Variants in NTNG1 observed in about 807,000 individuals in gnomAD.
NTNG1 encodes netrin-G1.
In NTNG1, 16 loss-of-function variants were observed where a neutral mutation model predicts 54.0. That is an observed-to-expected ratio of 0.30 (90% confidence interval 0.20 to 0.45). NTNG1 has a LOEUF of 0.45. Ranked by LOEUF, NTNG1 falls within the 20% of genes least tolerant of loss-of-function variation. The pLI is 1.00. For synonymous variants in NTNG1, 255 were observed against 263.1 expected (o/e 0.97, Z 0.30); for missense variants, 530 against 678.7 (o/e 0.78, Z 2.43).
At chr1:107,433,880 C>G (rs1390236950) in intron 6 of NTNG1, among the ~76,000 whole-genome samples, 1 of 152,192 alleles carries the variant, frequency 6.6e-6, no homozygotes, top group East Asian at 1.9e-4. Flanking sequence ...AAGGTTTGCC[C>G]TATGAGACAG....
At chr1:107,357,842 T>C (rs769434647) in intron 3 of NTNG1, among the ~76,000 whole-genome samples, 1 of 152,170 alleles carries the variant, frequency 6.6e-6, no homozygotes, top group Non-Finnish European at 1.5e-5. Flanking sequence ...AGGAAAATAT[T>C]GATTAGAAAC....
At chr1:107,210,878 G>A (rs140193493) in intron 2 of NTNG1, among the ~76,000 whole-genome samples, 58 of 152,152 alleles carry the variant, frequency 3.8e-4, no homozygotes, top group Middle Eastern at 3.4e-3. Flanking sequence ...TGCAGATGCC[G>A]AGTTTATAAG....
At chr1:107,367,112 G>A (rs558614266) in intron 3 of NTNG1, among the ~76,000 whole-genome samples, 1 of 151,826 alleles carries the variant, frequency 6.6e-6, no homozygotes, top group Admixed American at 6.6e-5. Context: ...AGCACACTAT[G>A]GGTGCATAAT....
chr1:107,336,340 G>C (rs1668577005), intron 3 of NTNG1, among the ~76,000 whole-genome samples: 1 of 151,670 alleles, frequency 6.6e-6, no homozygotes, highest in Non-Finnish European at 1.5e-5. Context: ...CAACAACGTT[G>C]CCAAGACCAT....
At chr1:107,220,769 T>C (rs1308372755) in intron 2 of NTNG1, among the ~76,000 whole-genome samples, 1 of 152,202 alleles carries the variant, frequency 6.6e-6, no homozygotes, top group East Asian at 1.9e-4. Flanking sequence ...CTCTATGCAT[T>C]TCCTAGTTAT....
intron 5 of NTNG1, among the ~76,000 whole-genome samples, chr1:107,412,771 T>C (rs1480444958): frequency 6.6e-6 from 1 of 152,144 alleles, no homozygotes; most frequent in Non-Finnish European, 1.5e-5. Flanking sequence ...CCACCAAACA[T>C]CTTCAATATA....
chr1:107,306,235 A>T (rs1175619217), intron 2 of NTNG1, among the ~76,000 whole-genome samples: 1 of 152,240 alleles, frequency 6.6e-6, no homozygotes, highest in Non-Finnish European at 1.5e-5. Flanking sequence ...TTAACCTAAT[A>T]TATTTAAAAT....
chr1:107,162,784 C>G (rs1447296110), intron 2 of NTNG1, among the ~76,000 whole-genome samples: 1 of 152,002 alleles, frequency 6.6e-6, no homozygotes, highest in African/African-American at 2.4e-5. Context: ...TAATTTTTTT[C>G]CCAAATTTAC....
intron 7 of NTNG1, among the ~76,000 whole-genome samples, chr1:107,451,080 C>A (rs1376525323): frequency 2.0e-5 from 3 of 150,254 alleles, no homozygotes; most frequent in East Asian, 3.9e-4. Flanking sequence ...TTCCTCAATT[C>A]TCAATTCCCT....
intron 2 of NTNG1, among the ~76,000 whole-genome samples, chr1:107,159,019 A>T (rs989290563): frequency 6.6e-6 from 1 of 152,114 alleles, no homozygotes; most frequent in Non-Finnish European, 1.5e-5. Context: ...AAATTTTTGG[A>T]TTCCTTTGTG....
At chr1:107,169,568 T>C (rs891481348) in intron 2 of NTNG1, among the ~76,000 whole-genome samples, 4 of 152,144 alleles carry the variant, frequency 2.6e-5, no homozygotes, top group Non-Finnish European at 5.9e-5. Flanking sequence ...AGGAATAGTT[T>C]ATGCTGTTAC....
chr1:107,143,200 A>G (rs188938784), intron 1 of NTNG1: 95 of 152,284 alleles, frequency 6.2e-4, no homozygotes, highest in African/African-American at 2.2e-3. Flanking sequence ...TAAGACGGAT[A>G]ATCTTAAAAC....
chr1:107,241,472 C>T (rs764447500), intron 2 of NTNG1, among the ~76,000 whole-genome samples: 43 of 152,138 alleles, frequency 2.8e-4, no homozygotes, highest in Admixed American at 7.9e-4. Context: ...AACTGAATTC[C>T]GCATTGTGAT....
intron 3 of NTNG1, among the ~76,000 whole-genome samples, chr1:107,349,471 G>A (rs61422607): frequency 0.098 from 14,867 of 152,064 alleles, 849 homozygotes; most frequent in East Asian, 0.16. Flanking sequence ...TTACCCACCT[G>A]TGAACCCACC....
chr1:107,319,060 C>T (rs1667495983), intron 2 of NTNG1, among the ~76,000 whole-genome samples: 1 of 152,130 alleles, frequency 6.6e-6, no homozygotes, highest in African/African-American at 2.4e-5. Flanking sequence ...TTAGATTGTT[C>T]TTACCTCTGG....
At chr1:107,245,697 G>A (rs923349348) in intron 2 of NTNG1, among the ~76,000 whole-genome samples, 4 of 152,186 alleles carry the variant, frequency 2.6e-5, no homozygotes, top group African/African-American at 9.7e-5. Context: ...AGCCAAGGGT[G>A]AAAAGCAAAT....
chr1:107,476,635 C>T (rs905314591), intron 7 of NTNG1, among the ~76,000 whole-genome samples: 3 of 152,156 alleles, frequency 2.0e-5, no homozygotes, highest in Non-Finnish European at 4.4e-5. Flanking sequence ...AATCTTTTCC[C>T]TCCTTCCCTT....
intron 2 of NTNG1, among the ~76,000 whole-genome samples, chr1:107,183,908 C>T (rs1459727533): frequency 2.0e-5 from 3 of 152,078 alleles, no homozygotes; most frequent in African/African-American, 7.2e-5. Context: ...TGTGATCCCC[C>T]TCCCTTTTCC....
intron 3 of NTNG1, among the ~76,000 whole-genome samples, chr1:107,373,744 G>A (rs1671066908): frequency 6.6e-6 from 1 of 151,380 alleles, no homozygotes; most frequent in Non-Finnish European, 1.5e-5. Context: ...TGTCACCCAG[G>A]CTGGAGTGCA....
Sources: gnomAD v4.1 joint callset for allele counts (sites outside exome capture counted in the v4.1 genomes callset) on GRCh38, gnomAD v4.1.1 for gene constraint, MANE v1.5 for transcripts, NCBI Gene and HGNC (gene_info 2026-07-23, HGNC 2026-07-21) for gene names.